Variants in LGSN observed in about 807,000 individuals in gnomAD.
LGSN encodes the protein lengsin.
A neutral mutation model predicts 19.5 loss-of-function variants in LGSN; 21 were observed. The ratio of observed to expected loss-of-function variants is 1.07; its 90% CI spans 0.76 to 1.55. The LOEUF (loss-of-function observed/expected upper bound fraction) is 1.55. Among genes scored for constraint, LGSN ranks in the 40% most tolerant of loss-of-function variants. The probability of loss-of-function intolerance (pLI) is 0.00; values close to 1 mark genes in which losing one functional copy is unlikely to be tolerated. For missense variants in LGSN, 673 were observed against 608.5 expected, an observed-to-expected ratio of 1.11 and a Z score of -1.12; for synonymous variants, 257 against 215.6, an observed-to-expected ratio of 1.19 and a Z score of -1.68.
At chr6:63,385,678 A>T in the LGSN span, among the ~76,000 whole-genome samples, 1 of 152,206 alleles carries the variant, frequency 6.6e-6, no homozygotes, top group Admixed American at 6.5e-5. Context: ...TTTTCTAAGC[A>T]TTAGACTCTC....
At chr6:63,478,253 G>A in the LGSN span, among the ~76,000 whole-genome samples, 2 of 152,118 alleles carry the variant, frequency 1.3e-5, no homozygotes, top group South Asian at 4.2e-4. Flanking sequence ...GATTTTAAGA[G>A]GTTAGTAAAT....
At chr6:63,356,048 T>C in the LGSN span, among the ~76,000 whole-genome samples, 23 of 152,144 alleles carry the variant, frequency 1.5e-4, no homozygotes, top group African/African-American at 3.9e-4. Context: ...CACATCTATA[T>C]ATATATGTCC....
At chr6:63,331,282 G>C in the LGSN span, among the ~76,000 whole-genome samples, 3 of 152,242 alleles carry the variant, frequency 2.0e-5, no homozygotes, top group African/African-American at 7.2e-5. Context: ...TTGGACATAA[G>C]GTATTTCACT....
At chr6:63,327,686 C>T in the LGSN span, among the ~76,000 whole-genome samples, 12 of 152,320 alleles carry the variant, frequency 7.9e-5, no homozygotes, top group African/African-American at 2.6e-4. Context: ...GGTAGATGGA[C>T]ATTTACCCTG....
chr6:63,327,850 C>T, the LGSN span, among the ~76,000 whole-genome samples: 25 of 152,068 alleles, frequency 1.6e-4, no homozygotes, highest in Non-Finnish European at 2.5e-4. Flanking sequence ...CTCTGCCAGC[C>T]GCTTATGCTG....
the LGSN span, among the ~76,000 whole-genome samples, chr6:63,390,302 G>T: frequency 6.6e-6 from 1 of 150,776 alleles, no homozygotes; most frequent in East Asian, 2.0e-4. Context: ...GCTAATTTTT[G>T]TATCGTTAGT....
the LGSN span, among the ~76,000 whole-genome samples, chr6:63,509,038 C>T: frequency 2.7e-5 from 4 of 150,056 alleles, no homozygotes; most frequent in African/African-American, 9.8e-5. Context: ...TTATATTTAA[C>T]AATATAAAAT....
intron 1 of LGSN, among the ~76,000 whole-genome samples, chr6:63,296,133 T>C (rs1767969438): frequency 6.6e-6 from 1 of 152,196 alleles, no homozygotes; most frequent in South Asian, 2.1e-4. Flanking sequence ...TTTTCATTTT[T>C]TGCTTGCTTA....
At chr6:63,542,426 TA>T in the LGSN span, among the ~76,000 whole-genome samples, 484 of 144,284 alleles carry the variant, frequency 3.4e-3, 1 homozygote, top group African/African-American at 9.7e-3. Flanking sequence ...CCTATGGAAA[TA>T]AAAAAAAAAA....
the LGSN span, among the ~76,000 whole-genome samples, chr6:63,461,621 C>T: frequency 6.6e-6 from 1 of 152,190 alleles, no homozygotes; most frequent in Non-Finnish European, 1.5e-5. Context: ...AAGAGATATG[C>T]TGCAGTTTTA....
At chr6:63,554,364 T>C in the LGSN span, among the ~76,000 whole-genome samples, 1 of 152,238 alleles carries the variant, frequency 6.6e-6, no homozygotes, top group Non-Finnish European at 1.5e-5. Flanking sequence ...GAAATTCTTA[T>C]ACACTTTCTT....
intron 1 of LGSN, among the ~76,000 whole-genome samples, chr6:63,314,741 G>A (rs1489615264): frequency 6.6e-6 from 1 of 152,108 alleles, no homozygotes; most frequent in Admixed American, 6.5e-5. Flanking sequence ...GAATATGGAA[G>A]ACTAAAGGCT....
the LGSN span, among the ~76,000 whole-genome samples, chr6:63,412,717 A>C: frequency 3.3e-4 from 29 of 86,680 alleles, no homozygotes; most frequent in Middle Eastern, 4.5e-3. Flanking sequence ...GAGGGAAGGA[A>C]GGAAAGAAAG....
the LGSN span, among the ~76,000 whole-genome samples, chr6:63,470,193 T>C: frequency 6.6e-6 from 1 of 151,744 alleles, no homozygotes; most frequent in Non-Finnish European, 1.5e-5. Flanking sequence ...TATGGTCGGG[T>C]ACAGTAGCTC....
At chr6:63,518,312 G>A in the LGSN span, among the ~76,000 whole-genome samples, 2 of 152,092 alleles carry the variant, frequency 1.3e-5, no homozygotes, top group Non-Finnish European at 2.9e-5. Flanking sequence ...TCTCTTGCTT[G>A]TATTTACTTT....
At chr6:63,497,408 G>C in the LGSN span, among the ~76,000 whole-genome samples, 1 of 152,076 alleles carries the variant, frequency 6.6e-6, no homozygotes, top group Non-Finnish European at 1.5e-5. Context: ...AATTAGCCAG[G>C]CTGGGTGGCA....
the LGSN span, among the ~76,000 whole-genome samples, chr6:63,501,362 CAAAA>C: frequency 3.0e-5 from 4 of 133,928 alleles, no homozygotes; most frequent in Non-Finnish European, 6.5e-5. Context: ...AACTTCGTCT[CAAAA>C]AAAAAAAAAA....
chr6:63,360,913 G>A, the LGSN span, among the ~76,000 whole-genome samples: 172 of 152,358 alleles, frequency 1.1e-3, no homozygotes, highest in African/African-American at 4.1e-3. Flanking sequence ...GAGTTTGCCA[G>A]AGGTCCACTC....
intron 3 of LGSN, 59 bp from the exon 4 acceptor site, chr6:63,281,279 G>A (rs551531188): frequency 1.9e-5 from 23 of 1,224,898 alleles, no homozygotes; most frequent in Non-Finnish European, 2.1e-5. Flanking sequence ...GGGTCGGGGG[G>A]CGGCGGGAAA....
Sources: allele counts gnomAD v4.1 joint callset (sites outside exome capture counted in the v4.1 genomes callset), GRCh38; gene constraint gnomAD v4.1.1; transcripts MANE v1.5; gene names NCBI Gene and HGNC (gene_info 2026-07-23, HGNC 2026-07-21).